The following SFMBT2 variants were observed in gnomAD, a reference collection of about 807,000 sequenced individuals.
SFMBT2 encodes scm-like with four MBT domains protein 2.
Under a neutral mutation model 110.1 loss-of-function variants are expected in SFMBT2, and 38 were observed. That is an observed-to-expected ratio of 0.35 (90% CI 0.27 to 0.45). The LOEUF (loss-of-function observed/expected upper bound fraction) is 0.45. Ranked by LOEUF, SFMBT2 falls within the 20% of genes least tolerant of loss-of-function variation. The probability of loss-of-function intolerance (pLI) is 1.00; values close to 1 mark genes in which losing one functional copy is unlikely to be tolerated. For synonymous variants in SFMBT2, 425 were observed against 425.4 expected (o/e 1.00, Z 0.01); for missense variants, 1,011 against 1,094.9 (o/e 0.92, Z 1.08).
At chr10:7,224,317 G>A (rs1227075706) in intron 10 of SFMBT2, among the ~76,000 whole-genome samples, 1 of 152,054 alleles carries the variant, frequency 6.6e-6, no homozygotes, top group Non-Finnish European at 1.5e-5. Context: ...GAGTCTTCCT[G>A]GCACCTACAT....
At chr10:7,377,424 T>C (rs1012208739) in intron 2 of SFMBT2, among the ~76,000 whole-genome samples, 3 of 152,118 alleles carry the variant, frequency 2.0e-5, no homozygotes, top group Non-Finnish European at 2.9e-5. Flanking sequence ...TCAGGACAAT[T>C]CAAGCACATT....
intron 4 of SFMBT2, among the ~76,000 whole-genome samples, chr10:7,303,364 G>A (rs1239807991): frequency 1.3e-5 from 2 of 152,220 alleles, no homozygotes; most frequent in South Asian, 2.1e-4. Context: ...AGCCTTAGAA[G>A]CAGTAATTCA....
At chr10:7,359,216 A>G (rs1844628012) in intron 4 of SFMBT2, among the ~76,000 whole-genome samples, 1 of 152,246 alleles carries the variant, frequency 6.6e-6, no homozygotes, top group South Asian at 2.1e-4. Context: ...CCCAAGGATC[A>G]TTCAGGACGT....
chr10:7,389,742 A>G (rs1292944950), intron 1 of SFMBT2, among the ~76,000 whole-genome samples: 1 of 152,242 alleles, frequency 6.6e-6, no homozygotes, highest in Non-Finnish European at 1.5e-5. Flanking sequence ...CATCAGTTCA[A>G]TCAGAAAGCT....
intron 11 of SFMBT2, among the ~76,000 whole-genome samples, chr10:7,217,819 A>C (rs1383739920): frequency 1.3e-5 from 2 of 152,246 alleles, no homozygotes; most frequent in Admixed American, 1.3e-4. Flanking sequence ...ACACTGACCT[A>C]GGAGAAGGCA....
chr10:7,297,744 G>C (rs1015249078), intron 4 of SFMBT2, among the ~76,000 whole-genome samples: 2 of 152,204 alleles, frequency 1.3e-5, no homozygotes, highest in African/African-American at 4.8e-5. Context: ...AATAGGAAGA[G>C]AAAACTGAAT....
rs562095070 is a variant in SFMBT2, at chr10:7,185,613, G to A, written c.1808+3011C>T. ...TAAGTGACAGTGAGCTCTAACTCACGTGAAATCCTACCAGGATATTTCCTC... is the reference window on the plus strand; with the variant it reads ...TAAGTGACAGTGAGCTCTAACTCACATGAAATCCTACCAGGATATTTCCTC... On this transcript the variant is annotated intron_variant, in intron 16 of 20. Coordinates refer to ENST00000397167, the MANE Select transcript of SFMBT2 (RefSeq NM_001387889.1). Among the ~76,000 whole-genome samples, 5 of 152,300 alleles carry A rather than the reference G, an allele frequency of 3.3e-5. No individual in the cohort carries two copies. In the East Asian group the frequency reaches 5.8e-4, roughly 18 times the overall value.
chr10:7,398,200 A>T (rs2132118378), intron 1 of SFMBT2, among the ~76,000 whole-genome samples: 1 of 152,288 alleles, frequency 6.6e-6, no homozygotes, highest in East Asian at 1.9e-4. Context: ...CTATTCACAC[A>T]ATAACATTCA....
intron 4 of SFMBT2, among the ~76,000 whole-genome samples, chr10:7,341,269 G>GA (rs2131984153): frequency 6.6e-6 from 1 of 152,236 alleles, no homozygotes; most frequent in East Asian, 1.9e-4. Flanking sequence ...CTGGACATCT[G>GA]AAAATGCAAA....
chr10:7,215,021 TAAAATACTCAGC>T (rs1839486585), intron 11 of SFMBT2, among the ~76,000 whole-genome samples: 1 of 152,224 alleles, frequency 6.6e-6, no homozygotes. Context: ...ACTAAAAGGC[TAAAATACTCAGC>T]ACTGGGGAAG....
intron 14 of SFMBT2, among the ~76,000 whole-genome samples, chr10:7,198,822 C>T (rs1336315233): frequency 6.6e-6 from 1 of 151,964 alleles, no homozygotes; most frequent in African/African-American, 2.4e-5. Context: ...GGGTGGATCA[C>T]CTGAGGTCAG....
At chr10:7,240,296 C>A (rs1840389918) in intron 9 of SFMBT2, among the ~76,000 whole-genome samples, 1 of 152,108 alleles carries the variant, frequency 6.6e-6, no homozygotes, top group African/African-American at 2.4e-5. Context: ...CCTACTGTAC[C>A]ACTCACAGTG....
chr10:7,176,091 C>T lies in SFMBT2; in HGVS notation c.1883G>A (p.Arg628Gln), dbSNP rs777488992. 16 of 1,614,030 alleles carry T rather than the reference C, an allele frequency of 9.9e-6. No homozygotes were observed. The highest frequency in any genetic ancestry group is 1.6e-4 in the Middle Eastern group (1 of 6,084). The change falls in exon 17 of 21, where the codon CGA (arginine) becomes CAA (glutamine). Residue 628 changes from arginine to glutamine, a missense_variant. Arg to Gln is a conservative substitution (Grantham distance 43, BLOSUM62 1). This residue lies in a region of SFMBT2 where 979 missense variants were observed against 1,016.1 expected (regional missense o/e 0.96). Transcript: ENST00000397167. ...TSDQVANFCR[R>Q]VCAKLECCPN... ...ACAGCACTCTAGCTTGGCACAGACT[C>T]GGCGGCAGAAATTTGCGACTTGGTC...
chr10:7,236,216 T>C (rs1840249389), intron 9 of SFMBT2, among the ~76,000 whole-genome samples: 1 of 151,966 alleles, frequency 6.6e-6, no homozygotes, highest in Admixed American at 6.6e-5. Context: ...AAAGATAATA[T>C]AAGAAAATAT....
intron 9 of SFMBT2, among the ~76,000 whole-genome samples, chr10:7,238,442 T>C (rs1402658970): frequency 6.6e-6 from 1 of 152,222 alleles, no homozygotes; most frequent in Non-Finnish European, 1.5e-5. Flanking sequence ...GGTAGGGCCA[T>C]GAGCGTCTAT....
At chr10:7,181,523 G>C (rs1043733626) in intron 16 of SFMBT2, among the ~76,000 whole-genome samples, 5 of 152,142 alleles carry the variant, frequency 3.3e-5, no homozygotes, top group Admixed American at 1.3e-4. Flanking sequence ...ATTTCTGTAA[G>C]TATGAGATTG....
chr10:7,342,835 C>T (rs1324605526), intron 4 of SFMBT2, among the ~76,000 whole-genome samples: 2 of 152,160 alleles, frequency 1.3e-5, no homozygotes, highest in African/African-American at 2.4e-5. Context: ...AAAACATAAA[C>T]CACTTTGATT....
chr10:7,389,718 C>G (rs1356734420), intron 1 of SFMBT2, among the ~76,000 whole-genome samples: 1 of 152,206 alleles, frequency 6.6e-6, no homozygotes, highest in Non-Finnish European at 1.5e-5. Flanking sequence ...AACCTCTCTA[C>G]TCCTTGAATT....
chr10:7,239,649 C>A (rs1840371358), intron 9 of SFMBT2, among the ~76,000 whole-genome samples: 1 of 152,176 alleles, frequency 6.6e-6, no homozygotes, highest in Non-Finnish European at 1.5e-5. Flanking sequence ...TAACCACAGA[C>A]CCTTGTAAAA....
Sources: allele counts gnomAD v4.1 joint callset (sites outside exome capture counted in the v4.1 genomes callset), GRCh38; gene constraint gnomAD v4.1.1; regional missense constraint gnomAD v4.1.1; transcripts MANE v1.5; gene names NCBI Gene and HGNC (gene_info 2026-07-23, HGNC 2026-07-21).